Variants in IPPK observed in about 807,000 individuals in gnomAD.
The protein encoded by IPPK is IPK1 homolog.
In IPPK, 22 loss-of-function variants were observed where a neutral mutation model predicts 64.6. The observed-to-expected ratio is 0.34, with a 90% CI of 0.24 to 0.49. The LOEUF (loss-of-function observed/expected upper bound fraction) is 0.49, where lower values mean the gene tolerates loss of function less well. IPPK is among the 20% of genes least tolerant of loss of function. IPPK has a pLI of 0.99. For missense variants in IPPK, 532 were observed against 630.7 expected (o/e 0.84, Z 1.68); for synonymous variants, 262 against 247.2 (o/e 1.06, Z -0.56).
At chr9:92,640,377 T>A (rs531275855) in intron 8 of IPPK, among the ~76,000 whole-genome samples, 3 of 133,460 alleles carry the variant, frequency 2.2e-5, no homozygotes, top group Non-Finnish European at 4.6e-5. Context: ...GCCAGAGCCA[T>A]CCTCACCCAC....
chr9:92,618,208 G>A (rs1178020248), intron 12 of IPPK: 1 of 456,576 alleles, frequency 2.2e-6, no homozygotes, highest in South Asian at 1.5e-5. Flanking sequence ...TGTTGAGAAA[G>A]GCCTGGCTAG....
chr9:92,618,376 G>A (rs1346564443), intron 12 of IPPK: 2 of 456,706 alleles, frequency 4.4e-6, no homozygotes, highest in African/African-American at 4.0e-5. Flanking sequence ...CCGCATGCTG[G>A]CTTTCCAATT....
chr9:92,649,285 C>A lies in IPPK; in HGVS notation c.414+168G>T, dbSNP rs149146138. Reference sequence around the variant, plus strand: ...CTGGGAGCCATGGCAGGAACCAGAACGCAGGTGGGGGCTGTGGAAGGACAG... The same window carrying A: ...CTGGGAGCCATGGCAGGAACCAGAAAGCAGGTGGGGGCTGTGGAAGGACAG... On this transcript the variant is annotated intron_variant, in intron 5 of 12. Transcript: ENST00000287996. Among the ~76,000 whole-genome samples the A allele has an allele frequency of 5.6e-4, 85 of 152,278 alleles. 1 individual carries two copies. Among genetic ancestry groups the A allele is most frequent in the Non-Finnish European group, 1.2e-3 (80 of 68,020 alleles).
In IPPK at chr9:92,615,904, G is replaced by C; in HGVS notation, c.1404C>G (p.Ala468=). 1 of 1,614,152 alleles carries C rather than the reference G, an allele frequency of 6.2e-7. No homozygotes were observed. The highest frequency in any genetic ancestry group is 1.3e-5 in the African/African-American group (1 of 75,036). Residue 468 remains alanine, a synonymous_variant, in exon 13 of 13, where the codon GCC becomes GCG. Coordinates refer to ENST00000287996, the MANE Select transcript of IPPK (RefSeq NM_022755.6). The stretch of plus-strand genomic sequence containing the variant: ...GAGTCGACATCACGGCGTTGTCTTT[G>C]GCACGTACAGTCTTTGAATAATAGT... ...IVNYYSKTVR[A]KDNAVMSTRF... is the part of the protein sequence containing the mutation.
chr9:92,649,620 G>C, intron 4 of IPPK, 46 bp from the exon 5 acceptor site: 1 of 1,608,862 alleles, frequency 6.2e-7, no homozygotes, highest in Non-Finnish European at 8.5e-7. Context: ...CAGTGAGAGA[G>C]ATGAGATGAT....
At chr9:92,666,355 G>A (rs78205411) in intron 1 of IPPK, among the ~76,000 whole-genome samples, 7,018 of 152,226 alleles carry the variant, frequency 0.046, 306 homozygotes, top group African/African-American at 0.1. Flanking sequence ...AGCTGAAGGC[G>A]AAGGAGGCAG....
intron 9 of IPPK, among the ~76,000 whole-genome samples, chr9:92,636,426 C>A (rs1377650728): frequency 6.6e-6 from 1 of 152,070 alleles, no homozygotes; most frequent in Non-Finnish European, 1.5e-5. Flanking sequence ...TGCTTGAGCC[C>A]AGGAGTTCAA....
rs1006013914 is a variant in IPPK at position 92,614,316 on chromosome 9, T to TCAAGA, written c.*1511_*1515dup. 2.0e-5 allele frequency: 3 copies of TCAAGA among 152,430 alleles called. No individual in the cohort carries two copies. The highest frequency in any genetic ancestry group is 7.2e-5 in the African/African-American group (3 of 41,386). The allele number at this position is 152,430 out of a possible 1,614,324, so 9.4% of individuals were successfully genotyped here. A position where few individuals can be genotyped will look rare whatever the true frequency, so the allele number is the denominator to read the frequency against. ...CCCAGCAACAGTGAACTCCCTTGGG[T>TCAAGA]CAAGACAGTACTCAACGGCCACTAC... On this transcript the variant is annotated 3_prime_UTR_variant, in exon 13 of 13. Coordinates refer to ENST00000287996, the MANE Select transcript of IPPK (RefSeq NM_022755.6).
chr9:92,627,408 C>T (rs564036881), intron 11 of IPPK, among the ~76,000 whole-genome samples: 3 of 152,142 alleles, frequency 2.0e-5, no homozygotes, highest in East Asian at 1.9e-4. Context: ...CACAAGAAAA[C>T]GAAACTACAC....
chr9:92,634,347 T>C (rs1225690995), intron 11 of IPPK, 39 bp downstream of exon 11: 1 of 1,397,100 alleles, frequency 7.2e-7, no homozygotes, highest in East Asian at 2.3e-5. Flanking sequence ...GCTAAGAAGC[T>C]AAGGATCACA....
At chr9:92,633,899 T>A (rs1851888201) in intron 11 of IPPK, among the ~76,000 whole-genome samples, 1 of 152,224 alleles carries the variant, frequency 6.6e-6, no homozygotes, top group South Asian at 2.1e-4. Context: ...CATGGAGCCC[T>A]GAATTTCACA....
chr9:92,656,636 G>A (rs1852379352), intron 2 of IPPK, 85 bp from the exon 3 acceptor site: 1 of 844,872 alleles, frequency 1.2e-6, no homozygotes, highest in Non-Finnish European at 2.0e-6. Context: ...AACCACCACG[G>A]ACCCCACCAC....
chr9:92,642,959 C>T (rs1852081446), intron 6 of IPPK, 149 bp from the exon 7 acceptor site: 1 of 690,042 alleles, frequency 1.4e-6, no homozygotes, highest in Non-Finnish European at 2.6e-6. Flanking sequence ...TTTGCAGGTG[C>T]ACATCACTAA....
chr9:92,640,804 A>G (rs1305007293), intron 7 of IPPK, 22 bp from the exon 8 acceptor site: 4 of 1,539,016 alleles, frequency 2.6e-6, no homozygotes, highest in Middle Eastern at 3.4e-4. Flanking sequence ...AAGCATTAAC[A>G]TGCTTTAAAT....
At position 92,613,397 on chromosome 9, in the gene IPPK, TG is replaced by T. The variant is rs1469819754; in HGVS notation, c.*2434del. On this transcript the variant is annotated 3_prime_UTR_variant, in exon 13 of 13. Transcript: ENST00000287996. ...AAAATAAGCTTAACATCTGAGAAAA[TG>T]TACCAAGTGGTTGTGTGTCCTCAGA... 9 of 415,012 alleles carry T rather than the reference TG, an allele frequency of 2.2e-5. No individual in the cohort carries two copies. Among genetic ancestry groups the T allele is most frequent in the Non-Finnish European group, 4.0e-5 (9 of 223,644 alleles). The allele number at this position is 415,012 out of a possible 1,614,324, so 25.7% of individuals were successfully genotyped here.
intron 7 of IPPK, 78 bp from the exon 8 acceptor site, chr9:92,640,860 C>A (rs1852032645): frequency 9.9e-7 from 1 of 1,014,172 alleles, no homozygotes; most frequent in East Asian, 2.4e-5. Context: ...GCTCGTGGCT[C>A]AGAGGACATG....
chr9:92,631,731 A>G (rs547992889), intron 11 of IPPK, among the ~76,000 whole-genome samples: 84 of 152,324 alleles, frequency 5.5e-4, no homozygotes, highest in African/African-American at 1.9e-3. Context: ...TGCTGACACA[A>G]TCCACAATCT....
intron 5 of IPPK, among the ~76,000 whole-genome samples, chr9:92,648,667 CTGGGGA>C (rs1852196171): frequency 6.6e-6 from 1 of 152,202 alleles, no homozygotes; most frequent in Non-Finnish European, 1.5e-5. Flanking sequence ...GAGATGGTGG[CTGGGGA>C]AGCAGAACAT....
At chr9:92,633,830 G>A (rs776836840) in intron 11 of IPPK, among the ~76,000 whole-genome samples, 1 of 152,168 alleles carries the variant, frequency 6.6e-6, no homozygotes, top group Non-Finnish European at 1.5e-5. Flanking sequence ...GGAAAGAAAT[G>A]CTAAATTCCA....
Sources: gnomAD v4.1 joint callset for allele counts (sites outside exome capture counted in the v4.1 genomes callset) on GRCh38, gnomAD v4.1.1 for gene constraint, MANE v1.5 for transcripts, NCBI Gene and HGNC (gene_info 2026-07-23, HGNC 2026-07-21) for gene names.